The following CNBD1 variants were observed in gnomAD, a reference collection of about 807,000 sequenced individuals.
CNBD1 encodes cyclic nucleotide binding domain containing 1.
A neutral mutation model predicts 54.4 loss-of-function variants in CNBD1; 71 were observed. That is an observed-to-expected ratio of 1.30 (90% CI 1.08 to 1.59). CNBD1 has a LOEUF of 1.59. Ranked by LOEUF, CNBD1 falls within the 40% of genes most tolerant of loss-of-function variation. CNBD1 has a pLI of 0.00. For synonymous variants in CNBD1, 182 were observed against 170.7 expected, an observed-to-expected ratio of 1.07 and a Z score of -0.51; for missense variants, 659 against 518.0, an observed-to-expected ratio of 1.27 and a Z score of -2.64.
intron 10 of CNBD1, among the ~76,000 whole-genome samples, chr8:87,373,134 G>T (rs1810853441): frequency 1.3e-5 from 2 of 151,694 alleles, no homozygotes; most frequent in African/African-American, 4.8e-5. Context: ...TTTTTAAATT[G>T]GAAGTTGTGG....
chr8:86,964,247 C>T (rs1377021326), intron 4 of CNBD1, among the ~76,000 whole-genome samples: 4 of 89,164 alleles, frequency 4.5e-5, no homozygotes, highest in African/African-American at 1.7e-4. Flanking sequence ...AGGTCTAGTC[C>T]CAGTCCCTTG....
At chr8:87,321,729 C>T (rs1455014115) in intron 8 of CNBD1, among the ~76,000 whole-genome samples, 1 of 151,380 alleles carries the variant, frequency 6.6e-6, no homozygotes, top group Non-Finnish European at 1.5e-5. Flanking sequence ...CTTTTTTGTG[C>T]CTGTGCTTTT....
At chr8:87,082,052 GAGCCCAAGCTA>G (rs1326616824) in intron 4 of CNBD1, among the ~76,000 whole-genome samples, 5 of 152,164 alleles carry the variant, frequency 3.3e-5, no homozygotes, top group Admixed American at 3.3e-4. Flanking sequence ...TCAGGCCTCT[GAGCCCAAGCTA>G]AGCCATCATC....
intron 4 of CNBD1, among the ~76,000 whole-genome samples, chr8:87,082,169 C>G (rs1811008702): frequency 1.3e-5 from 2 of 152,128 alleles, no homozygotes; most frequent in African/African-American, 4.8e-5. Context: ...CCTGCCCCAC[C>G]CCAATTAATC....
At chr8:87,306,719 C>T (rs1438676120) in intron 8 of CNBD1, among the ~76,000 whole-genome samples, 1 of 150,790 alleles carries the variant, frequency 6.6e-6, no homozygotes, top group Non-Finnish European at 1.5e-5. Flanking sequence ...TATGAGGACA[C>T]AAAGGCATAA....
At chr8:87,095,900 T>C (rs920610744) in intron 4 of CNBD1, among the ~76,000 whole-genome samples, 3 of 152,180 alleles carry the variant, frequency 2.0e-5, no homozygotes, top group Admixed American at 6.5e-5. Flanking sequence ...CCTCGTGATC[T>C]GCCCGCCTTG....
At chr8:87,371,952 A>G (rs1810815158) in intron 10 of CNBD1, among the ~76,000 whole-genome samples, 1 of 151,584 alleles carries the variant, frequency 6.6e-6, no homozygotes, top group East Asian at 1.9e-4. Context: ...CTCTCTCACC[A>G]CTCCTATTCA....
At chr8:87,138,839 G>A (rs749622168) in intron 4 of CNBD1, among the ~76,000 whole-genome samples, 4 of 152,170 alleles carry the variant, frequency 2.6e-5, no homozygotes, top group Non-Finnish European at 4.4e-5. Flanking sequence ...AAGGATTCAC[G>A]ATAAAGCCCT....
At chr8:86,897,503 G>A (rs1808864520) in intron 2 of CNBD1, among the ~76,000 whole-genome samples, 1 of 152,102 alleles carries the variant, frequency 6.6e-6, no homozygotes, top group Non-Finnish European at 1.5e-5. Context: ...GCTAAGAAGG[G>A]ACCAGAAAGC....
intron 2 of CNBD1, among the ~76,000 whole-genome samples, chr8:87,404,011 C>T (rs1431554780): frequency 6.6e-6 from 1 of 152,016 alleles, no homozygotes; most frequent in African/African-American, 2.4e-5. Context: ...TCCAGATCAA[C>T]TGAGAGCACT....
At chr8:87,340,931 C>T (rs560347254) in intron 8 of CNBD1, among the ~76,000 whole-genome samples, 1 of 151,928 alleles carries the variant, frequency 6.6e-6, no homozygotes, top group African/African-American at 2.4e-5. Flanking sequence ...CTTGATTCAT[C>T]AGTTTTCCCA....
intron 9 of CNBD1, among the ~76,000 whole-genome samples, chr8:87,352,999 C>G (rs1252443591): frequency 6.6e-6 from 1 of 152,176 alleles, no homozygotes; most frequent in Non-Finnish European, 1.5e-5. Flanking sequence ...TCATCAACTC[C>G]TAGCAAATCT....
intron 4 of CNBD1, among the ~76,000 whole-genome samples, chr8:87,060,806 G>A (rs912528017): frequency 6.6e-6 from 1 of 151,930 alleles, no homozygotes; most frequent in Non-Finnish European, 1.5e-5. Context: ...ATTATATAGG[G>A]AGCAAATCCA....
At chr8:87,071,910 T>C (rs1430135978) in intron 4 of CNBD1, among the ~76,000 whole-genome samples, 3 of 152,124 alleles carry the variant, frequency 2.0e-5, no homozygotes, top group Non-Finnish European at 4.4e-5. Flanking sequence ...GTCAGTGGGG[T>C]ATTAAAATCT....
At chr8:87,076,868 A>G (rs1435736469) in intron 4 of CNBD1, among the ~76,000 whole-genome samples, 1 of 152,266 alleles carries the variant, frequency 6.6e-6, no homozygotes, top group Non-Finnish European at 1.5e-5. Context: ...TTCATGATAA[A>G]TAATACAGAA....
At chr8:87,402,528 T>G (rs905573364) in intron 2 of CNBD1, among the ~76,000 whole-genome samples, 1 of 152,084 alleles carries the variant, frequency 6.6e-6, no homozygotes. Context: ...ATAGCTGAGA[T>G]GGACATAAGG....
At chr8:87,125,832 T>C (rs1001886590) in intron 4 of CNBD1, among the ~76,000 whole-genome samples, 1 of 151,842 alleles carries the variant, frequency 6.6e-6, no homozygotes, top group Admixed American at 6.6e-5. Context: ...GTCCTAACTG[T>C]CCCAATACCA....
chr8:87,230,171 A>G (rs1814644158), intron 5 of CNBD1, among the ~76,000 whole-genome samples: 1 of 152,094 alleles, frequency 6.6e-6, no homozygotes, highest in South Asian at 2.1e-4. Context: ...TTCATGAAAA[A>G]TCTATCACTA....
intron 4 of CNBD1, among the ~76,000 whole-genome samples, chr8:87,101,476 A>C (rs1426789137): frequency 6.6e-6 from 1 of 152,034 alleles, no homozygotes; most frequent in African/African-American, 2.4e-5. Flanking sequence ...TTATATACCT[A>C]ATAACACAAC....
Sources: allele counts gnomAD v4.1 joint callset (sites outside exome capture counted in the v4.1 genomes callset), GRCh38; gene constraint gnomAD v4.1.1; transcripts MANE v1.5; gene names NCBI Gene and HGNC (gene_info 2026-07-23, HGNC 2026-07-21).